The following RBFOX1 variants were observed in gnomAD, a reference collection of about 807,000 sequenced individuals.
The protein encoded by RBFOX1 is RNA binding protein fox-1 homolog 1.
A neutral mutation model predicts 57.7 loss-of-function variants in RBFOX1; 8 were observed. The ratio of observed to expected loss-of-function variants is 0.14; its 90% CI spans 0.08 to 0.25. The LOEUF (loss-of-function observed/expected upper bound fraction) is 0.25, where lower values mean the gene tolerates loss of function less well. Among genes scored for constraint, RBFOX1 ranks in the 10% least tolerant of loss-of-function variants. The probability of loss-of-function intolerance (pLI) is 1.00; values close to 1 mark genes in which losing one functional copy is unlikely to be tolerated. For missense variants in RBFOX1, 611 were observed against 548.5 expected (o/e 1.11, Z -1.14); for synonymous variants, 326 against 222.4 (o/e 1.47, Z -4.15).
chr16:6,888,224 A>C (rs1003035526), intron 3 of RBFOX1, among the ~76,000 whole-genome samples: 1 of 152,208 alleles, frequency 6.6e-6, no homozygotes, highest in African/African-American at 2.4e-5. Flanking sequence ...TTGTAAAACC[A>C]ATGAAAAGAA....
intron 2 of RBFOX1, among the ~76,000 whole-genome samples, chr16:6,502,251 A>G (rs952396048): frequency 6.6e-5 from 10 of 152,142 alleles, no homozygotes; most frequent in African/African-American, 7.2e-5. Context: ...ATCGGCTACA[A>G]TAGTAGTGGC....
chr16:5,916,031 C>T (rs1275865558), intron 4 of RBFOX1, among the ~76,000 whole-genome samples: 2 of 152,106 alleles, frequency 1.3e-5, no homozygotes, highest in Non-Finnish European at 2.9e-5. Flanking sequence ...GCTAGTAATG[C>T]CTGTCCCCTG....
chr16:6,949,029 C>T (rs1398086499), intron 3 of RBFOX1, among the ~76,000 whole-genome samples: 1 of 152,124 alleles, frequency 6.6e-6, no homozygotes, highest in African/African-American at 2.4e-5. Flanking sequence ...AGAAATTCGA[C>T]TCTATGGAGT....
At chr16:5,732,507 A>G (rs1274917014) in intron 3 of RBFOX1, among the ~76,000 whole-genome samples, 1 of 152,146 alleles carries the variant, frequency 6.6e-6, no homozygotes, top group Non-Finnish European at 1.5e-5. Flanking sequence ...GAAATGAGAG[A>G]TGGCTGCAAG....
intron 2 of RBFOX1, among the ~76,000 whole-genome samples, chr16:6,418,085 A>C (rs965836702): frequency 4.6e-5 from 7 of 152,214 alleles, no homozygotes; most frequent in African/African-American, 1.7e-4. Context: ...CCTTACTGCC[A>C]TGACTAAGTA....
intron 4 of RBFOX1, among the ~76,000 whole-genome samples, chr16:7,076,383 C>T (rs774583248): frequency 2.0e-5 from 3 of 151,732 alleles, no homozygotes; most frequent in African/African-American, 2.4e-5. Flanking sequence ...TTATTTTACC[C>T]GAGTCTTTGT....
intron 1 of RBFOX1, among the ~76,000 whole-genome samples, chr16:5,394,702 C>G (rs149838583): frequency 3.3e-5 from 5 of 152,000 alleles, no homozygotes; most frequent in East Asian, 1.9e-4. Context: ...ATGCATGCAA[C>G]CATATCTGGC....
chr16:5,338,548 C>G (rs1197219563), intron 1 of RBFOX1, among the ~76,000 whole-genome samples: 1 of 152,164 alleles, frequency 6.6e-6, no homozygotes, highest in Admixed American at 6.5e-5. Flanking sequence ...CTTCCAGTTC[C>G]TCATGTTTTT....
intron 3 of RBFOX1, among the ~76,000 whole-genome samples, chr16:5,616,874 T>G: frequency 1.2e-5 from 1 of 85,392 alleles, no homozygotes; most frequent in South Asian, 4.1e-4. Context: ...TCCCCACCCC[T>G]CCCCTTCCTC....
chr16:6,784,409 G>C (rs1294943700), intron 3 of RBFOX1, among the ~76,000 whole-genome samples: 2 of 151,936 alleles, frequency 1.3e-5, no homozygotes, highest in African/African-American at 4.8e-5. Context: ...ACACTCTGAT[G>C]CATTTTTGTG....
At chr16:6,978,719 C>T (rs75999540) in intron 3 of RBFOX1, among the ~76,000 whole-genome samples, 1 of 152,204 alleles carries the variant, frequency 6.6e-6, no homozygotes, top group Non-Finnish European at 1.5e-5. Context: ...TGTGATAAAT[C>T]TCAGAGTAAG....
At chr16:5,409,797 C>G (rs1282036967) in intron 1 of RBFOX1, among the ~76,000 whole-genome samples, 1 of 151,730 alleles carries the variant, frequency 6.6e-6, no homozygotes, top group Non-Finnish European at 1.5e-5. Context: ...CACCGGTAAT[C>G]CCAGCACTTT....
intron 1 of RBFOX1, among the ~76,000 whole-genome samples, chr16:5,357,840 A>G (rs1347738052): frequency 6.6e-6 from 1 of 152,146 alleles, no homozygotes; most frequent in African/African-American, 2.4e-5. Flanking sequence ...GTAATTTTTT[A>G]TGTGTTCCTT....
At chr16:7,137,400 C>G (rs547580828) in intron 4 of RBFOX1, among the ~76,000 whole-genome samples, 1 of 152,108 alleles carries the variant, frequency 6.6e-6, no homozygotes, top group African/African-American at 2.4e-5. Flanking sequence ...CCATACTGTT[C>G]TCGTGGTAGC....
At position 5,477,869 on chromosome 16, in the gene RBFOX1, C is replaced by T. The variant is rs367842793; in HGVS notation, c.258+10615C>T. ...CTATTGTTCTTCCCTGGCCAGTTAG[C>T]GTGATGTTTTTCGTTAGCTGAGACA... On this transcript the variant is annotated intron_variant, in intron 2 of 2. Transcript: ENST00000585867. 7.9e-5 allele frequency among the ~76,000 whole-genome samples: 12 copies of T among 152,270 alleles called. No homozygotes were observed. The East Asian group carries it at 1.4e-3, about 17-fold the overall frequency.
intron 3 of RBFOX1, among the ~76,000 whole-genome samples, chr16:6,727,568 T>C (rs2067535452): frequency 1.3e-5 from 2 of 152,048 alleles, no homozygotes; most frequent in Admixed American, 1.3e-4. Context: ...TACAAACAGC[T>C]CTTGGGGCCT....
chr16:7,526,497 C>T (rs1182437969), intron 5 of RBFOX1, among the ~76,000 whole-genome samples: 2 of 152,194 alleles, frequency 1.3e-5, no homozygotes, highest in South Asian at 4.1e-4. Flanking sequence ...TGTGACCCTT[C>T]TCCAGATCTC....
chr16:7,361,526 A>AG (rs2097320506), intron 4 of RBFOX1, among the ~76,000 whole-genome samples: 1 of 152,220 alleles, frequency 6.6e-6, no homozygotes, highest in African/African-American at 2.4e-5. Context: ...AGGTTAGACC[A>AG]GGTGAGTCCG....
At chr16:6,947,013 A>G (rs1230841464) in intron 3 of RBFOX1, among the ~76,000 whole-genome samples, 2 of 152,182 alleles carry the variant, frequency 1.3e-5, no homozygotes, top group African/African-American at 4.8e-5. Context: ...GGGTTGAGCA[A>G]GTCCCTTCAC....
Sources: gnomAD v4.1 joint callset for allele counts (sites outside exome capture counted in the v4.1 genomes callset) on GRCh38, gnomAD v4.1.1 for gene constraint, MANE v1.5 for transcripts, NCBI Gene and HGNC (gene_info 2026-07-23, HGNC 2026-07-21) for gene names.